SUCLG2: variants seen among roughly 807,000 people sequenced by gnomAD.
SUCLG2 encodes the protein succinate--CoA ligase [GDP-forming] subunit beta, mitochondrial.
A neutral mutation model predicts 47.9 loss-of-function variants in SUCLG2; 42 were observed. That is an observed-to-expected ratio of 0.88 (90% CI 0.69 to 1.14). The LOEUF (loss-of-function observed/expected upper bound fraction) is 1.14. Among genes scored for constraint, SUCLG2 ranks in the 50% most tolerant of loss-of-function variants. SUCLG2 has a pLI of 0.00. For missense variants in SUCLG2, 571 were observed against 525.9 expected, an observed-to-expected ratio of 1.09 and a Z score of -0.84; for synonymous variants, 195 against 197.3, an observed-to-expected ratio of 0.99 and a Z score of 0.10.
At chr3:67,366,537 C>A (rs1701877556) in intron 10 of SUCLG2, among the ~76,000 whole-genome samples, 1 of 152,176 alleles carries the variant, frequency 6.6e-6, no homozygotes, top group Non-Finnish European at 1.5e-5. Flanking sequence ...GGTAGAGAAA[C>A]ACGTGTTTGA....
chr3:67,476,253 G>A lies in SUCLG2; in HGVS notation c.1062+19545C>T, dbSNP rs368090070. Among the ~76,000 whole-genome samples the A allele has an allele frequency of 2.5e-4, 38 of 152,082 alleles. No individual in the cohort carries two copies. The East Asian group carries it at 5.6e-3, about 23-fold the overall frequency. On this transcript the variant is annotated intron_variant, in intron 9 of 10. Coordinates refer to ENST00000307227, the MANE Select transcript of SUCLG2 (RefSeq NM_003848.4). ...GGAGGTGAGCAGTGGGCAAGCAAAC[G>A]AAGCTTCATCTGTATGTACAGCTGC...
At chr3:67,469,498 G>C (rs1704551269) in intron 9 of SUCLG2, among the ~76,000 whole-genome samples, 1 of 152,166 alleles carries the variant, frequency 6.6e-6, no homozygotes, top group African/African-American at 2.4e-5. Context: ...GGGAGGCTGA[G>C]GCAGGTGGAT....
At chr3:67,494,490 G>A (rs1489117714) in intron 9 of SUCLG2, among the ~76,000 whole-genome samples, 2 of 152,102 alleles carry the variant, frequency 1.3e-5, no homozygotes, top group Non-Finnish European at 2.9e-5. Context: ...GCCAGGCATG[G>A]TGGCATGCAC....
chr3:67,548,806 T>C (rs1481873364), intron 2 of SUCLG2, among the ~76,000 whole-genome samples: 4 of 152,192 alleles, frequency 2.6e-5, no homozygotes, highest in African/African-American at 9.7e-5. Context: ...ATTTAATTTA[T>C]ACACCTTAGC....
chr3:67,515,656 G>A (rs910723263), intron 6 of SUCLG2, among the ~76,000 whole-genome samples: 1 of 151,902 alleles, frequency 6.6e-6, no homozygotes, highest in African/African-American at 2.4e-5. Context: ...TTGAACCTAA[G>A]GTACCTCTAA....
chr3:67,429,919 A>C (rs1703431180), intron 9 of SUCLG2, among the ~76,000 whole-genome samples: 1 of 152,186 alleles, frequency 6.6e-6, no homozygotes, highest in Admixed American at 6.5e-5. Context: ...AAATAGATGC[A>C]CCCAATACAG....
chr3:67,613,667 G>A (rs902895623), intron 1 of SUCLG2, among the ~76,000 whole-genome samples: 4 of 152,164 alleles, frequency 2.6e-5, no homozygotes, highest in African/African-American at 7.2e-5. Flanking sequence ...CTGAAATTCT[G>A]GGGGTTATTT....
At chr3:67,593,547 C>G (rs1431302096) in intron 2 of SUCLG2, among the ~76,000 whole-genome samples, 1 of 152,240 alleles carries the variant, frequency 6.6e-6, no homozygotes, top group Non-Finnish European at 1.5e-5. Flanking sequence ...TCCACCACAT[C>G]TCCCGTGTAA....
chr3:67,372,083 A>T (rs1701962446), downstream of SUCLG2, among the ~76,000 whole-genome samples: 1 of 152,194 alleles, frequency 6.6e-6, no homozygotes, highest in Non-Finnish European at 1.5e-5. Context: ...AGCCACTAGC[A>T]ATGTGTGGCT....
Position 67,630,939 on chromosome 3 carries a change from T to C in SUCLG2, c.85-21343A>G, listed in dbSNP as rs80337696. On this transcript the variant is annotated intron_variant, in intron 1 of 10. Coordinates refer to ENST00000307227, the MANE Select transcript of SUCLG2 (RefSeq NM_003848.4). ...TATTGCTGCTTTTGCTTTTGAGTAG[T>C]CTCATGCAAAACCTAAAGTATCTAC... Among the ~76,000 whole-genome samples the C allele has an allele frequency of 6.1e-3, 936 of 152,366 alleles. 9 individuals are homozygous for C. The highest frequency in any genetic ancestry group is 0.021 in the African/African-American group (877 of 41,588).
At chr3:67,379,244 T>C (rs952103246) in intron 10 of SUCLG2, among the ~76,000 whole-genome samples, 2 of 152,092 alleles carry the variant, frequency 1.3e-5, no homozygotes, top group African/African-American at 4.8e-5. Context: ...CCGTACCCCA[T>C]GTGTAAATTT....
chr3:67,386,593 G>A (rs1424709292), intron 10 of SUCLG2, among the ~76,000 whole-genome samples: 2 of 152,184 alleles, frequency 1.3e-5, no homozygotes, highest in African/African-American at 4.8e-5. Flanking sequence ...TTACATGGTG[G>A]CAGGCAAGAA....
chr3:67,520,097 T>C (rs893427956), intron 5 of SUCLG2, among the ~76,000 whole-genome samples: 1 of 152,198 alleles, frequency 6.6e-6, no homozygotes, highest in African/African-American at 2.4e-5. Context: ...AGAGAATTCA[T>C]TCATCTCCTA....
intron 9 of SUCLG2, among the ~76,000 whole-genome samples, chr3:67,444,280 G>C (rs1559528929): frequency 1.4e-5 from 1 of 71,776 alleles, no homozygotes; most frequent in Non-Finnish European, 3.0e-5. Flanking sequence ...GTCCAGGAGG[G>C]AGATGGGGGG....
At chr3:67,448,795 A>G (rs1703987879) in intron 9 of SUCLG2, among the ~76,000 whole-genome samples, 1 of 152,254 alleles carries the variant, frequency 6.6e-6, no homozygotes, top group South Asian at 2.1e-4. Context: ...ACTGCATGAA[A>G]AAACACTATT....
At chr3:67,376,084 A>C in intron 10 of SUCLG2, 1 of 985,478 alleles carries the variant, frequency 1.0e-6, no homozygotes, top group African/African-American at 1.7e-5. Context: ...GCAAGAGGGA[A>C]ATGAACATAT....
chr3:67,389,400 G>T (rs904984214), intron 10 of SUCLG2, among the ~76,000 whole-genome samples: 7 of 152,110 alleles, frequency 4.6e-5, no homozygotes, highest in Non-Finnish European at 1.0e-4. Flanking sequence ...AAATGGAGAA[G>T]TTATGGTCAT....
chr3:67,531,728 A>T (rs1706409083), intron 2 of SUCLG2, among the ~76,000 whole-genome samples: 1 of 152,228 alleles, frequency 6.6e-6, no homozygotes, highest in Non-Finnish European at 1.5e-5. Flanking sequence ...AAATCAATAT[A>T]GTAAGTCAGC....
intron 10 of SUCLG2, among the ~76,000 whole-genome samples, chr3:67,395,182 G>T (rs532931603): frequency 0.07 from 10,514 of 151,062 alleles, 369 homozygotes; most frequent in Middle Eastern, 0.13. Flanking sequence ...ATATTAACTT[G>T]AAATGTAAAT....
Sources: gnomAD v4.1 joint callset for allele counts (sites outside exome capture counted in the v4.1 genomes callset) on GRCh38, gnomAD v4.1.1 for gene constraint, MANE v1.5 for transcripts, NCBI Gene and HGNC (gene_info 2026-07-23, HGNC 2026-07-21) for gene names.